RHAG: variants seen among roughly 807,000 people sequenced by gnomAD.
The protein encoded by RHAG is ammonium transporter Rh type A.
A neutral mutation model predicts 42.4 loss-of-function variants in RHAG; 25 were observed. The ratio of observed to expected loss-of-function variants is 0.59; its 90% CI spans 0.43 to 0.82. The LOEUF is 0.82. Among genes scored for constraint, RHAG ranks in the 40% least tolerant of loss-of-function variants. The pLI is 0.00. For synonymous variants in RHAG, 182 were observed against 177.7 expected (o/e 1.02, Z -0.19); for missense variants, 483 against 504.6 (o/e 0.96, Z 0.41).
intron 7 of RHAG, among the ~76,000 whole-genome samples, chr6:49,610,678 T>C (rs1762557489): frequency 6.6e-6 from 1 of 152,156 alleles, no homozygotes; most frequent in South Asian, 2.1e-4. Context: ...ACTGTTCAGC[T>C]CATCATATGT....
intron 1 of RHAG, among the ~76,000 whole-genome samples, chr6:49,625,092 T>C (rs567404878): frequency 6.6e-6 from 1 of 152,376 alleles, no homozygotes; most frequent in East Asian, 1.9e-4. Flanking sequence ...ACTCACCTGA[T>C]GTTTTCACTG....
chr6:49,619,116 T>TTA (rs1762707250), intron 2 of RHAG, 63 bp downstream of exon 2: 1 of 1,562,074 alleles, frequency 6.4e-7, no homozygotes, highest in African/African-American at 1.4e-5. Flanking sequence ...ATGTTGGAGG[T>TTA]TAAGAGTGTA....
At chr6:49,615,568 C>T (rs1187684413) in intron 4 of RHAG, 56 bp downstream of exon 4, 3 of 1,593,526 alleles carry the variant, frequency 1.9e-6, no homozygotes, top group Non-Finnish European at 2.6e-6. Context: ...TTGAAGTTAA[C>T]CTTCTCTGGT....
At chr6:49,614,882 G>A in intron 4 of RHAG, 29 bp from the exon 5 acceptor site, 1 of 1,603,306 alleles carries the variant, frequency 6.2e-7, no homozygotes, top group Non-Finnish European at 8.5e-7. Flanking sequence ...GGGGATATTA[G>A]TTCTGAATAT....
At chr6:49,613,210 C>T (rs1762595620) in intron 5 of RHAG, among the ~76,000 whole-genome samples, 1 of 151,906 alleles carries the variant, frequency 6.6e-6, no homozygotes, top group African/African-American at 2.4e-5. Context: ...GCTGGGATTA[C>T]AGGTGCACGC....
intron 7 of RHAG, among the ~76,000 whole-genome samples, chr6:49,609,793 T>C (rs1762540591): frequency 6.6e-6 from 1 of 152,250 alleles, no homozygotes; most frequent in Non-Finnish European, 1.5e-5. Flanking sequence ...ATTATGCACC[T>C]CTAGTTAGTG....
chr6:49,621,119 G>A (rs1762751079), intron 1 of RHAG, among the ~76,000 whole-genome samples: 1 of 152,138 alleles, frequency 6.6e-6, no homozygotes. Flanking sequence ...TCTGCCATCA[G>A]GCTCAGGGGC....
At chr6:49,606,415 T>C (rs1460635050) in intron 9 of RHAG, among the ~76,000 whole-genome samples, 1 of 152,148 alleles carries the variant, frequency 6.6e-6, no homozygotes, top group Non-Finnish European at 1.5e-5. Context: ...ACTAAATTCT[T>C]TTCTTTCTGT....
chr6:49,615,027 A>G (rs1210850107), intron 4 of RHAG, 174 bp from the exon 5 acceptor site: 1 of 610,732 alleles, frequency 1.6e-6, no homozygotes, highest in Non-Finnish European at 2.8e-6. Context: ...TGCTAACTGC[A>G]ACTTCCACCT....
intron 1 of RHAG, among the ~76,000 whole-genome samples, chr6:49,630,695 T>G (rs1762922779): frequency 6.6e-6 from 1 of 152,198 alleles, no homozygotes; most frequent in Non-Finnish European, 1.5e-5. Context: ...ATTTTCACAC[T>G]TGCTTTCTGT....
At chr6:49,619,491 G>T in intron 1 of RHAG, 129 bp from the exon 2 acceptor site, 1 of 923,766 alleles carries the variant, frequency 1.1e-6, no homozygotes, top group Non-Finnish European at 1.7e-6. Flanking sequence ...GCATTTAACT[G>T]GGAAGCAAAA....
Position 49,613,130 on chromosome 6 carries a change from C to T in RHAG, c.808-596G>A, listed in dbSNP as rs532206376. On this transcript the variant is annotated intron_variant, in intron 5 of 9. Coordinates refer to ENST00000371175, the MANE Select transcript of RHAG (RefSeq NM_000324.3). ...TGTCTCCCAGGCTGGAGTGCAGCAG[C>T]GCGATCTTGGCTCACTGCAACCTCC... 9.3e-5 allele frequency among the ~76,000 whole-genome samples: 14 copies of T among 150,030 alleles called. No homozygotes were observed. The East Asian group carries it at 2.6e-3, about 27-fold the overall frequency.
chr6:49,626,166 C>T lies in RHAG; in HGVS notation c.158-6804G>A, dbSNP rs564249785. Among the ~76,000 whole-genome samples the T allele has an allele frequency of 3.6e-4, 55 of 152,248 alleles. No individual in the cohort carries two copies. The South Asian group carries it at 6.4e-3, about 18-fold the overall frequency. On this transcript the variant is annotated intron_variant, in intron 1 of 9. Transcript: ENST00000371175. ...TCAAAACCAATCATGCCTTCCCAACCGTCCCCCAAAGTCTTAACTCATTAC... is the reference window on the plus strand; with the variant it reads ...TCAAAACCAATCATGCCTTCCCAACTGTCCCCCAAAGTCTTAACTCATTAC...
chr6:49,635,734 C>A (rs928705798), intron 1 of RHAG, among the ~76,000 whole-genome samples: 2 of 152,008 alleles, frequency 1.3e-5, no homozygotes, highest in Admixed American at 1.3e-4. Flanking sequence ...ATACCCCCAT[C>A]ATATTAATTC....
chr6:49,610,674 C>G (rs1762557414), intron 7 of RHAG, among the ~76,000 whole-genome samples: 1 of 152,072 alleles, frequency 6.6e-6, no homozygotes, highest in African/African-American at 2.4e-5. Context: ...ACTGACTGTT[C>G]AGCTCATCAT....
At chr6:49,627,409 T>A (rs1762859653) in intron 1 of RHAG, among the ~76,000 whole-genome samples, 1 of 152,158 alleles carries the variant, frequency 6.6e-6, no homozygotes, top group Non-Finnish European at 1.5e-5. Flanking sequence ...AAGTTCCCCA[T>A]CTCACTATCA....
intron 5 of RHAG, among the ~76,000 whole-genome samples, chr6:49,613,696 C>T (rs1762604935): frequency 6.6e-6 from 1 of 152,070 alleles, no homozygotes; most frequent in African/African-American, 2.4e-5. Context: ...ACTCAAGAGA[C>T]CAATTTGGGG....
intron 1 of RHAG, among the ~76,000 whole-genome samples, chr6:49,635,963 A>G (rs1399639970): frequency 6.6e-6 from 1 of 152,142 alleles, no homozygotes; most frequent in Non-Finnish European, 1.5e-5. Context: ...TTGGTTTATA[A>G]TAAGGACGCA....
chr6:49,608,651 A>C (rs1189710135), intron 7 of RHAG, among the ~76,000 whole-genome samples: 2 of 152,220 alleles, frequency 1.3e-5, no homozygotes, highest in African/African-American at 4.8e-5. Context: ...TGCTAGGATT[A>C]CAGGCTTGAG....
Sources: gnomAD v4.1 joint callset for allele counts (sites outside exome capture counted in the v4.1 genomes callset) on GRCh38, gnomAD v4.1.1 for gene constraint, MANE v1.5 for transcripts, NCBI Gene and HGNC (gene_info 2026-07-23, HGNC 2026-07-21) for gene names.